ADAMTS9: variants seen among roughly 807,000 people sequenced by gnomAD.
The protein encoded by ADAMTS9 is A disintegrin and metalloproteinase with thrombospondin motifs 9.
In ADAMTS9, 107 loss-of-function variants were observed where a neutral mutation model predicts 257.1. The observed-to-expected ratio is 0.42, with a 90% CI of 0.36 to 0.49. The LOEUF (loss-of-function observed/expected upper bound fraction) is 0.49, where lower values mean the gene tolerates loss of function less well. Ranked by LOEUF, ADAMTS9 falls within the 20% of genes least tolerant of loss-of-function variation. The probability of loss-of-function intolerance (pLI) is 0.03; values close to 1 mark genes in which losing one functional copy is unlikely to be tolerated. For missense variants in ADAMTS9, 2,353 were observed against 2,469.1 expected, an observed-to-expected ratio of 0.95 and a Z score of 1.00; for synonymous variants, 982 against 880.9, an observed-to-expected ratio of 1.11 and a Z score of -2.03.
intron 8 of ADAMTS9, among the ~76,000 whole-genome samples, chr3:64,651,647 G>A (rs1700934292): frequency 6.6e-6 from 1 of 152,102 alleles, no homozygotes; most frequent in Non-Finnish European, 1.5e-5. Flanking sequence ...TCCCCTTTTT[G>A]GATCAGGGTG....
intron 30 of ADAMTS9, among the ~76,000 whole-genome samples, chr3:64,555,798 G>A (rs1400091797): frequency 6.6e-6 from 1 of 152,148 alleles, no homozygotes; most frequent in Non-Finnish European, 1.5e-5. Context: ...GTGGCTGGAG[G>A]TGAGAAATGG....
In ADAMTS9 at chr3:64,535,552, C is replaced by CT. The variant is rs57945713; in HGVS notation, c.5614-2283dup. Among the ~76,000 whole-genome samples, 466 of 84,632 alleles carry CT rather than the reference C, an allele frequency of 5.5e-3. 6 individuals carry two copies. The highest frequency in any genetic ancestry group is 0.01 in the African/African-American group (257 of 24,752). The allele number at this position is 84,632 out of a possible 152,430, so 55.5% of individuals were successfully genotyped here. ...TGGCCATTTTCTTTTCTTTTCTTTT[C>CT]TTTTTTTTTTTTTTTTTTTGAGACA... On this transcript the variant is annotated intron_variant, in intron 37 of 39. Transcript: ENST00000498707.
Position 64,522,170 on chromosome 3 carries a change from G to C in ADAMTS9, c.*1C>G. The C allele has an allele frequency of 6.2e-7, 1 of 1,613,472 alleles. No individual in the cohort carries two copies. The highest frequency in any genetic ancestry group is 8.5e-7 in the Non-Finnish European group (1 of 1,179,504). On this transcript the variant is annotated 3_prime_UTR_variant, in exon 39 of 40. Transcript: ENST00000498707. ...GACAGACATAGGACTACTTACCTTA[G>C]CTATAAAACTCGCACCTCCAGGCCA...
chr3:64,665,356 A>T (rs1221144678), intron 3 of ADAMTS9, among the ~76,000 whole-genome samples: 2 of 152,110 alleles, frequency 1.3e-5, no homozygotes, highest in East Asian at 3.9e-4. Flanking sequence ...GTCCTATTTG[A>T]CCTTGGGCAA....
In ADAMTS9 at chr3:64,658,187, C is replaced by T. The variant is rs550072881; in HGVS notation, c.969+315G>A. On this transcript the variant is annotated intron_variant, in intron 4 of 39. Coordinates refer to ENST00000498707, the MANE Select transcript of ADAMTS9 (RefSeq NM_182920.2). ...TGACCATGGGCAAGTGACCTAACTC[C>T]TCTGAGACTCAGTTTTCTTATCTAT... 5.3e-5 allele frequency among the ~76,000 whole-genome samples: 8 copies of T among 152,336 alleles called. No individual in the cohort carries two copies. In the South Asian group the frequency reaches 1.5e-3, roughly 28 times the overall value.
chr3:64,625,484 A>G (rs1700202964), intron 16 of ADAMTS9, among the ~76,000 whole-genome samples: 1 of 152,222 alleles, frequency 6.6e-6, no homozygotes, highest in Non-Finnish European at 1.5e-5. Context: ...TTTGTGGTTC[A>G]GCAGCAGCAG....
intron 18 of ADAMTS9, 140 bp downstream of exon 18, chr3:64,622,058 A>C (rs1422976215): frequency 1.1e-6 from 1 of 902,322 alleles, no homozygotes; most frequent in Non-Finnish European, 1.5e-6. Context: ...AAATGACCAG[A>C]CACATTCAAA....
intron 38 of ADAMTS9, among the ~76,000 whole-genome samples, chr3:64,527,933 C>T (rs982723320): frequency 1.3e-5 from 2 of 152,166 alleles, no homozygotes; most frequent in African/African-American, 2.4e-5. Flanking sequence ...TTTCAGGTGC[C>T]TGAACTCCAC....
At chr3:64,617,846 T>C (rs1465522062) in intron 19 of ADAMTS9, among the ~76,000 whole-genome samples, 1 of 152,158 alleles carries the variant, frequency 6.6e-6, no homozygotes, top group African/African-American at 2.4e-5. Context: ...TCAAAATGAG[T>C]GATCCACAAC....
At chr3:64,607,141 C>G (rs2084570249) in intron 22 of ADAMTS9, 62 bp from the exon 23 acceptor site, 2 of 1,590,482 alleles carry the variant, frequency 1.3e-6, no homozygotes, top group South Asian at 2.3e-5. Context: ...CCTTACTTTC[C>G]CCATAACATT....
At position 64,622,316 on chromosome 3, in the gene ADAMTS9, C is replaced by T; in HGVS notation, c.2568G>A (p.Val856=). The T allele has an allele frequency of 6.2e-7, 1 of 1,613,482 alleles. No homozygotes were observed. The highest frequency in any genetic ancestry group is 8.5e-7 in the Non-Finnish European group (1 of 1,179,876). The change falls in exon 18 of 40, where the codon GTG becomes GTA. Residue 856 remains valine, a synonymous_variant. Transcript: ENST00000498707. ...GTACATCGGGGTTGTACAACTTTCC[C>T]ACCGACAAAACCTAGAATGTGTGGA... ...EQELLLQVLS[V]GKLYNPDVRY... is the part of the protein sequence containing the mutation.
chr3:64,537,665 CAG>C (rs202094341), intron 37 of ADAMTS9, among the ~76,000 whole-genome samples: 1,841 of 152,278 alleles, frequency 0.012, 33 homozygotes, highest in Middle Eastern at 0.037. Flanking sequence ...CCTATGGAGA[CAG>C]GGCTTGGGAT....
intron 8 of ADAMTS9, among the ~76,000 whole-genome samples, chr3:64,652,279 TTTCCCTTTTTCTTTAAAG>T (rs1419235326): frequency 2.0e-5 from 3 of 152,244 alleles, no homozygotes; most frequent in East Asian, 3.8e-4. Context: ...TTTATCACAT[TTTCCCTTTTTCTTTAAAG>T]TTTATGCCTC....
chr3:64,556,316 A>AT (rs920441948), intron 30 of ADAMTS9, among the ~76,000 whole-genome samples: 1 of 152,108 alleles, frequency 6.6e-6, no homozygotes, highest in South Asian at 2.1e-4. Flanking sequence ...CTGTGCTTTT[A>AT]TTTTTTTATT....
In ADAMTS9 at chr3:64,539,111, A is replaced by G; in HGVS notation, c.5613+92T>C. ...AACTGCCCTCTAGAGCAACTGTTCT[A>G]ATCACATTCCCAGGAACAGATGCAA... On this transcript the variant is annotated intron_variant, in intron 37 of 39. Transcript: ENST00000498707. The G allele has an allele frequency of 3.0e-6, 4 of 1,313,682 alleles. No individual in the cohort carries two copies. In the East Asian group the frequency reaches 9.4e-5, roughly 31 times the overall value. The allele number at this position is 1,313,682 out of a possible 1,614,324, so 81.4% of individuals were successfully genotyped here.
chr3:64,642,488 A>T (rs1308012097), intron 11 of ADAMTS9, among the ~76,000 whole-genome samples: 2 of 124,916 alleles, frequency 1.6e-5, no homozygotes, highest in Non-Finnish European at 3.0e-5. Context: ...AACACACTCC[A>T]GGAAAGCGTC....
intron 38 of ADAMTS9, among the ~76,000 whole-genome samples, chr3:64,530,706 G>A (rs1442334428): frequency 6.6e-6 from 1 of 151,900 alleles, no homozygotes; most frequent in Non-Finnish European, 1.5e-5. Flanking sequence ...ACTATCTAAC[G>A]AATAAAATTA....
intron 11 of ADAMTS9, among the ~76,000 whole-genome samples, chr3:64,642,283 T>A (rs929132309): frequency 6.6e-6 from 1 of 152,172 alleles, no homozygotes; most frequent in Non-Finnish European, 1.5e-5. Context: ...ATTAGTTTAC[T>A]TGGAAAAACC....
At chr3:64,635,707 C>G (rs944506490) in intron 12 of ADAMTS9, among the ~76,000 whole-genome samples, 1 of 152,210 alleles carries the variant, frequency 6.6e-6, no homozygotes, top group Non-Finnish European at 1.5e-5. Context: ...CTCCCAGACT[C>G]TTCTCTGTGC....
Sources: allele counts gnomAD v4.1 joint callset (sites outside exome capture counted in the v4.1 genomes callset), GRCh38; gene constraint gnomAD v4.1.1; transcripts MANE v1.5; gene names NCBI Gene and HGNC (gene_info 2026-07-23, HGNC 2026-07-21).